The following VPS53 variants were observed in gnomAD, a reference collection of about 807,000 sequenced individuals.
The protein encoded by VPS53 is vacuolar protein sorting-associated protein 53 homolog.
In VPS53, 70 loss-of-function variants were observed where a neutral mutation model predicts 107.0. The ratio of observed to expected loss-of-function variants is 0.65; its 90% CI spans 0.54 to 0.80. The LOEUF is 0.80. Ranked by LOEUF, VPS53 falls within the 30% of genes least tolerant of loss-of-function variation. The pLI is 0.00. For synonymous variants in VPS53, 409 were observed against 393.3 expected (o/e 1.04, Z -0.47); for missense variants, 917 against 1,049.4 (o/e 0.87, Z 1.74).
chr17:623,733 T>C (rs907965555), intron 10 of VPS53, 59 bp from the exon 11 acceptor site: 1 of 1,533,354 alleles, frequency 6.5e-7, no homozygotes, highest in African/African-American at 1.4e-5. Flanking sequence ...TCAGTAGAGA[T>C]AAGGTAAATG....
At chr17:643,981 T>C (rs1277628022) in intron 7 of VPS53, among the ~76,000 whole-genome samples, 1 of 152,206 alleles carries the variant, frequency 6.6e-6, no homozygotes, top group Non-Finnish European at 1.5e-5. Context: ...TTATAAGAGG[T>C]TAGAAATGGC....
chr17:533,843 C>G (rs1909794618), intron 18 of VPS53, among the ~76,000 whole-genome samples: 1 of 147,266 alleles, frequency 6.8e-6, no homozygotes, highest in African/African-American at 2.5e-5. Flanking sequence ...AAATCATAAA[C>G]TTTTTTTTTT....
intron 4 of VPS53, among the ~76,000 whole-genome samples, chr17:665,573 G>T (rs1410701204): frequency 6.6e-6 from 1 of 152,206 alleles, no homozygotes; most frequent in African/African-American, 2.4e-5. Context: ...TGAAGTGAAG[G>T]CTGGAAAAAG....
chr17:569,865 C>T (rs1213986199), intron 13 of VPS53, among the ~76,000 whole-genome samples: 1 of 150,058 alleles, frequency 6.7e-6, no homozygotes, highest in Non-Finnish European at 1.5e-5. Flanking sequence ...GATTATGTCA[C>T]TGCACTCCAG....
intron 4 of VPS53, among the ~76,000 whole-genome samples, chr17:695,561 T>C (rs943787858): frequency 3.3e-5 from 5 of 152,140 alleles, no homozygotes; most frequent in Non-Finnish European, 5.9e-5. Context: ...GGATTTCTTT[T>C]TTTTTTTAAA....
Position 668,478 on chromosome 17 carries a change from A to G in VPS53, c.286-6583T>C, listed in dbSNP as rs980112033. ...AAAATCACAGCTTCATGCTTTCTGT[A>G]AGTATTCTCTATTTGGCTTAAACAG... On this transcript the variant is annotated intron_variant, in intron 4 of 21. Transcript: ENST00000437048. Among the ~76,000 whole-genome samples, 3 of 152,192 alleles carry G rather than the reference A, an allele frequency of 2.0e-5. No individual in the cohort carries two copies. The South Asian group carries it at 6.2e-4, about 32-fold the overall frequency.
chr17:710,346 T>A (rs1158513558), intron 2 of VPS53, among the ~76,000 whole-genome samples, 187 bp downstream of exon 2: 1 of 152,156 alleles, frequency 6.6e-6, no homozygotes, highest in South Asian at 2.1e-4. Flanking sequence ...ATATGTTCAC[T>A]ATACAATGAA....
intron 7 of VPS53, among the ~76,000 whole-genome samples, chr17:644,866 G>A (rs1478947906): frequency 6.6e-6 from 1 of 152,206 alleles, no homozygotes; most frequent in Non-Finnish European, 1.5e-5. Context: ...CTCCAGGTGT[G>A]AGCCACCATG....
chr17:582,190 TAATGCATC>T (rs1426645765), intron 13 of VPS53, among the ~76,000 whole-genome samples: 5 of 140,720 alleles, frequency 3.6e-5, no homozygotes, highest in Admixed American at 1.5e-4. Context: ...CCTCAGAACC[TAATGCATC>T]CCAGAGAACA....
intron 12 of VPS53, among the ~76,000 whole-genome samples, chr17:589,497 G>A (rs974937228): frequency 6.6e-6 from 1 of 152,222 alleles, no homozygotes; most frequent in African/African-American, 2.4e-5. Flanking sequence ...TAAAGGTCGG[G>A]GGGGAGTGGG....
At position 530,766 on chromosome 17, in the gene VPS53, T is replaced by C. The variant is rs1909477644; in HGVS notation, c.2085+2076A>G. Among the ~76,000 whole-genome samples the C allele has an allele frequency of 3.3e-5, 5 of 152,270 alleles. No homozygotes were observed. In the South Asian group the frequency reaches 1.0e-3, roughly 32 times the overall value. ...ACAGGATGATCTGAAGATCATAAAC[T>C]AGCAAGAAGCATGATCAATATTGGT... On this transcript the variant is annotated intron_variant, in intron 19 of 21. Coordinates refer to ENST00000437048, the MANE Select transcript of VPS53 (RefSeq NM_001128159.3).
rs60407745 is a variant in VPS53 at position 627,774 on chromosome 17, T to TCA, written c.831+312_831+313dup. Among the ~76,000 whole-genome samples, 14,799 of 150,582 alleles carry TCA rather than the reference T, an allele frequency of 0.098. 764 individuals carry two copies. The highest frequency in any genetic ancestry group is 0.21 in the East Asian group (1,080 of 5,096). ...TGGGCAACAAGAGCGAAACTCCGTC[T>TCA]CACACACACACACACACACACACAA... is the stretch of plus-strand genomic sequence containing the variant. On this transcript the variant is annotated intron_variant, in intron 9 of 21. Transcript: ENST00000437048.
chr17:621,063 T>C (rs1969449403), intron 11 of VPS53, among the ~76,000 whole-genome samples: 1 of 152,130 alleles, frequency 6.6e-6, no homozygotes. Context: ...TATACCAGAG[T>C]AAATGGAAAA....
intron 10 of VPS53, 142 bp downstream of exon 10, chr17:627,032 T>C: frequency 1.8e-6 from 2 of 1,090,608 alleles, no homozygotes; most frequent in South Asian, 3.8e-5. Context: ...GGGGCCACTG[T>C]GGGGTACGAG....
intron 13 of VPS53, among the ~76,000 whole-genome samples, chr17:563,287 C>CTTTTTT (rs36076034): frequency 4.5e-4 from 46 of 103,296 alleles, no homozygotes; most frequent in East Asian, 6.6e-4. Context: ...ACTTCATTTC[C>CTTTTTT]TTTTTTTTTT....
At chr17:559,937 T>C (rs1912780490) in intron 15 of VPS53, among the ~76,000 whole-genome samples, 1 of 152,232 alleles carries the variant, frequency 6.6e-6, no homozygotes, top group Non-Finnish European at 1.5e-5. Flanking sequence ...TTCCTAAACG[T>C]CAGCATCCCA....
chr17:600,352 C>A (rs1287237950), intron 12 of VPS53, among the ~76,000 whole-genome samples: 1 of 152,248 alleles, frequency 6.6e-6, no homozygotes, highest in Non-Finnish European at 1.5e-5. Flanking sequence ...AGCATGCTCA[C>A]AGGGCAGAGG....
intron 17 of VPS53, among the ~76,000 whole-genome samples, chr17:540,779 T>C (rs114722006): frequency 1.6e-3 from 241 of 152,264 alleles, no homozygotes; most frequent in African/African-American, 5.6e-3. Flanking sequence ...CTCCGGGACC[T>C]AGTTTAACCA....
rs1280287636 is a variant in VPS53 at position 517,466 on chromosome 17, C to A, written c.*1662G>T. Reference sequence around the variant, plus strand: ...CAGGTTTCCAGGCAGATTTCCAAACCTTATTCCTACTGTACGGCTGTTACA... The same window carrying A: ...CAGGTTTCCAGGCAGATTTCCAAACATTATTCCTACTGTACGGCTGTTACA... On this transcript the variant is annotated 3_prime_UTR_variant, in exon 22 of 22. Transcript: ENST00000437048. The A allele has an allele frequency of 1.3e-5, 5 of 398,564 alleles. No homozygotes were observed. The highest frequency in any genetic ancestry group is 6.2e-5 in the African/African-American group (3 of 48,636). 24.7% of individuals were successfully genotyped at this position (398,564 alleles called of 1,614,324 possible).
Sources: allele counts gnomAD v4.1 joint callset (sites outside exome capture counted in the v4.1 genomes callset), GRCh38; gene constraint gnomAD v4.1.1; transcripts MANE v1.5; gene names NCBI Gene and HGNC (gene_info 2026-07-23, HGNC 2026-07-21).